Variants in DPP6 observed in about 807,000 individuals in gnomAD.
DPP6 encodes A-type potassium channel modulatory protein DPP6.
DPP6 carries 69 observed loss-of-function variants against 122.6 expected under a neutral mutation model. The ratio of observed to expected loss-of-function variants is 0.56; its 90% CI spans 0.46 to 0.69. DPP6 has a LOEUF of 0.69. Ranked by LOEUF, DPP6 falls within the 30% of genes least tolerant of loss-of-function variation. The pLI, the probability that DPP6 is intolerant of heterozygous loss-of-function variation, is 0.00. For synonymous variants in DPP6, 418 were observed against 433.1 expected (o/e 0.97, Z 0.43); for missense variants, 928 against 1,116.9 (o/e 0.83, Z 2.41).
intron 1 of DPP6, among the ~76,000 whole-genome samples, chr7:154,222,911 G>A (rs1411008813): frequency 6.7e-6 from 1 of 148,878 alleles, no homozygotes; most frequent in Non-Finnish European, 1.5e-5. Context: ...TCATGGGAAG[G>A]CTTTTTGGTG....
At chr7:154,557,465 C>T (rs1830127706) in intron 4 of DPP6, among the ~76,000 whole-genome samples, 1 of 152,138 alleles carries the variant, frequency 6.6e-6, no homozygotes, top group Admixed American at 6.6e-5. Flanking sequence ...TGTAATCATT[C>T]ATTTCTTCAG....
chr7:154,516,180 T>C (rs968008968), intron 3 of DPP6, among the ~76,000 whole-genome samples: 2 of 151,972 alleles, frequency 1.3e-5, no homozygotes, highest in Non-Finnish European at 2.9e-5. Flanking sequence ...ACAAAACTGC[T>C]CCATAGCCTG....
At chr7:154,256,165 C>G (rs1429253456) in intron 1 of DPP6, among the ~76,000 whole-genome samples, 1 of 152,148 alleles carries the variant, frequency 6.6e-6, no homozygotes, top group African/African-American at 2.4e-5. Context: ...GAGGAGAAAC[C>G]ACTTCCTGAT....
chr7:153,827,313 T>C, the DPP6 span, among the ~76,000 whole-genome samples: 1 of 152,260 alleles, frequency 6.6e-6, no homozygotes, highest in African/African-American at 2.4e-5. Context: ...AATTTAAAGT[T>C]TATGTCATAT....
At chr7:153,750,203 G>A in the DPP6 span, among the ~76,000 whole-genome samples, 1 of 152,204 alleles carries the variant, frequency 6.6e-6, no homozygotes, top group East Asian at 1.9e-4. Context: ...ATTCAACTGA[G>A]TAAGTAATAT....
intron 1 of DPP6, among the ~76,000 whole-genome samples, chr7:154,425,142 G>A (rs1462572359): frequency 6.6e-6 from 1 of 152,142 alleles, no homozygotes. Context: ...TGCTCTCTCT[G>A]GAAAGGAGGT....
intron 1 of DPP6, chr7:154,026,956 T>C (rs1278310435): frequency 6.8e-6 from 1 of 147,754 alleles, no homozygotes; most frequent in Non-Finnish European, 1.5e-5. Context: ...GAAATGAATA[T>C]AAAATCAGAA....
intron 3 of DPP6, among the ~76,000 whole-genome samples, chr7:154,517,981 T>G (rs1826665406): frequency 6.6e-6 from 1 of 152,116 alleles, no homozygotes; most frequent in South Asian, 2.1e-4. Context: ...TAAATTGAGC[T>G]GAACATTCCC....
intron 4 of DPP6, among the ~76,000 whole-genome samples, chr7:154,562,252 C>T (rs1221188714): frequency 2.6e-5 from 4 of 151,930 alleles, no homozygotes; most frequent in African/African-American, 4.8e-5. Context: ...ACATCACGGT[C>T]GAATAGCTTA....
chr7:154,870,388 T>G (rs1804286328), intron 18 of DPP6, among the ~76,000 whole-genome samples: 1 of 152,096 alleles, frequency 6.6e-6, no homozygotes, highest in Non-Finnish European at 1.5e-5. Context: ...GCAGATCACT[T>G]GAGGTCAGGA....
intron 1 of DPP6, chr7:154,305,340 AC>A (rs1300422064): frequency 5.1e-6 from 1 of 197,454 alleles, no homozygotes; most frequent in African/African-American, 5.6e-5. Flanking sequence ...TTGTCTACCC[AC>A]CCTCCCTCCC....
intron 1 of DPP6, among the ~76,000 whole-genome samples, chr7:154,191,450 A>G (rs4507681): frequency 0.078 from 11,859 of 152,322 alleles, 591 homozygotes; most frequent in South Asian, 0.14. Flanking sequence ...AAATGAGATC[A>G]TAAGTGCAAT....
At chr7:154,699,371 C>G (rs1328395646) in intron 7 of DPP6, among the ~76,000 whole-genome samples, 1 of 152,158 alleles carries the variant, frequency 6.6e-6, no homozygotes, top group African/African-American at 2.4e-5. Context: ...TGACAAGTCT[C>G]GGATCTAACT....
intron 1 of DPP6, among the ~76,000 whole-genome samples, chr7:154,182,285 C>T (rs563538947): frequency 6.6e-6 from 1 of 152,224 alleles, no homozygotes; most frequent in South Asian, 2.1e-4. Flanking sequence ...ACCAGGATTG[C>T]CTAGGTAACA....
chr7:154,651,151 C>T (rs1836851562), intron 6 of DPP6, among the ~76,000 whole-genome samples: 2 of 152,072 alleles, frequency 1.3e-5, no homozygotes, highest in Non-Finnish European at 2.9e-5. Flanking sequence ...TAGATACTAG[C>T]ACTGCACTAG....
At chr7:153,844,716 T>C in the DPP6 span, among the ~76,000 whole-genome samples, 2 of 152,364 alleles carry the variant, frequency 1.3e-5, no homozygotes, top group African/African-American at 4.8e-5. Context: ...AAGACTCTTA[T>C]GATAGACTTT....
chr7:154,284,451 A>G (rs1305105466), intron 1 of DPP6, among the ~76,000 whole-genome samples: 1 of 152,236 alleles, frequency 6.6e-6, no homozygotes, highest in Non-Finnish European at 1.5e-5. Flanking sequence ...GTGTCTATCA[A>G]CTGATGGATG....
chr7:153,947,869 A>G (rs970855861), intron 1 of DPP6, among the ~76,000 whole-genome samples: 11 of 152,268 alleles, frequency 7.2e-5, no homozygotes, highest in African/African-American at 2.6e-4. Context: ...GGGAAGTCGG[A>G]TGGTCCTTCC....
In DPP6 at chr7:154,632,861, A is replaced by T. The variant is rs181115714; in HGVS notation, c.628-4960A>T. Among the ~76,000 whole-genome samples, 52 of 152,306 alleles carry T rather than the reference A, an allele frequency of 3.4e-4. No homozygotes were observed. The East Asian group carries it at 8.5e-3, about 25-fold the overall frequency. ...GAGAGGGTAGAAATTTCCTGACTAG[A>T]GGGAAATTTTAGAGAGATAAGAAGC... is the stretch of plus-strand genomic sequence containing the variant. On this transcript the variant is annotated intron_variant, in intron 5 of 25. Transcript: ENST00000377770.
Sources: gnomAD v4.1 joint callset for allele counts (sites outside exome capture counted in the v4.1 genomes callset) on GRCh38, gnomAD v4.1.1 for gene constraint, MANE v1.5 for transcripts, NCBI Gene and HGNC (gene_info 2026-07-23, HGNC 2026-07-21) for gene names.